TLE1: variants seen among roughly 807,000 people sequenced by gnomAD.
The protein encoded by TLE1 is transducin-like enhancer protein 1.
A neutral mutation model predicts 89.8 loss-of-function variants in TLE1; 21 were observed. The observed-to-expected ratio is 0.23, with a 90% CI of 0.17 to 0.34. TLE1 has a LOEUF of 0.34. TLE1 is among the 10% of genes least tolerant of loss of function. The pLI, the probability that TLE1 is intolerant of heterozygous loss-of-function variation, is 1.00. For missense variants in TLE1, 795 were observed against 1,031.2 expected (o/e 0.77, Z 3.14); for synonymous variants, 447 against 407.6 (o/e 1.10, Z -1.16).
At chr9:81,654,238 C>A (rs1216660727) in intron 4 of TLE1, among the ~76,000 whole-genome samples, 1 of 152,174 alleles carries the variant, frequency 6.6e-6, no homozygotes, top group Non-Finnish European at 1.5e-5. Context: ...GCCACAACTG[C>A]ACACTTCATT....
At chr9:81,615,882 T>C in intron 11 of TLE1, 100 bp downstream of exon 11, 1 of 1,464,364 alleles carries the variant, frequency 6.8e-7, no homozygotes, top group Non-Finnish European at 9.3e-7. Flanking sequence ...AATACAACCC[T>C]CAAGCAGCAA....
At chr9:81,629,684 T>C (rs955839169) in intron 8 of TLE1, among the ~76,000 whole-genome samples, 1 of 152,226 alleles carries the variant, frequency 6.6e-6, no homozygotes, top group Admixed American at 6.5e-5. Flanking sequence ...ACTACACACC[T>C]AGGCTACTGC....
At position 81,688,594 on chromosome 9, in the gene TLE1, C is replaced by A; in HGVS notation, c.-354G>T. 3.8e-6 allele frequency: 1 copy of A among 261,854 alleles called. No individual in the cohort carries two copies. The highest frequency in any genetic ancestry group is 7.1e-6 in the Non-Finnish European group (1 of 140,176). The allele number at this position is 261,854 out of a possible 1,614,324, so 16.2% of individuals were successfully genotyped here. On this transcript the variant is annotated 5_prime_UTR_variant, in exon 1 of 20. Transcript: ENST00000376499. ...CGGGGAGGCGGGGGCGCGGTGACTC[C>A]GACCGCACTCCCCTCGGCGATCCGC...
At chr9:81,610,722 G>A (rs1367609728) in intron 13 of TLE1, among the ~76,000 whole-genome samples, 1 of 152,018 alleles carries the variant, frequency 6.6e-6, no homozygotes, top group Non-Finnish European at 1.5e-5. Flanking sequence ...CTGTTTATGT[G>A]CCAAGAGGAA....
At chr9:81,666,776 A>AAAATAAGT (rs1554696538) in intron 4 of TLE1, among the ~76,000 whole-genome samples, 1 of 141,802 alleles carries the variant, frequency 7.1e-6, no homozygotes, top group African/African-American at 2.7e-5. Flanking sequence ...CTCGTCTCAC[A>AAAATAAGT]AAATAAATAA....
At chr9:81,668,195 A>C (rs961827158) in intron 4 of TLE1, among the ~76,000 whole-genome samples, 2 of 151,624 alleles carry the variant, frequency 1.3e-5, no homozygotes, top group Non-Finnish European at 2.9e-5. Context: ...GGATATGTAA[A>C]GGAAGTTGGA....
At position 81,666,106 on chromosome 9, in the gene TLE1, T is replaced by C. The variant is rs1432251853; in HGVS notation, c.235-12070A>G. ...CATTTCCATTATTCAGAAACCCTTG[T>C]TATGGAGTTCAGAAAGAGCCTGTTC... is the stretch of plus-strand genomic sequence containing the variant. On this transcript the variant is annotated intron_variant, in intron 4 of 19. Transcript: ENST00000376499. Among the ~76,000 whole-genome samples the C allele has an allele frequency of 5.3e-5, 8 of 152,274 alleles. No individual in the cohort carries two copies. In the East Asian group the frequency reaches 1.4e-3, roughly 26 times the overall value.
At chr9:81,592,174 T>C (rs532500251) in intron 15 of TLE1, among the ~76,000 whole-genome samples, 51 of 152,272 alleles carry the variant, frequency 3.3e-4, no homozygotes, top group East Asian at 2.1e-3. Flanking sequence ...CTGGCTAACA[T>C]GGTGAAACCC....
chr9:81,689,009 T>A lies in TLE1; in HGVS notation c.-769A>T, dbSNP rs577158567. On this transcript the variant is annotated 5_prime_UTR_variant, in exon 1 of 20. Transcript: ENST00000376499. ...AACCCTCCGGGCCCGACGGGGCTAC[T>A]CCACCGAGAGCAGTCCCGCAAGTGC... is the stretch of plus-strand genomic sequence containing the variant. 2.6e-3 allele frequency: 385 copies of A among 150,512 alleles called. 2 individuals carry two copies. Among genetic ancestry groups the A allele is most frequent in the Admixed American group, 8.7e-3 (132 of 15,166 alleles). The allele number at this position is 150,512 out of a possible 1,614,324, so 9.3% of individuals were successfully genotyped here. A position where few individuals can be genotyped will look rare whatever the true frequency, so the allele number is the denominator to read the frequency against.
At chr9:81,636,330 T>C (rs2132396396) in intron 6 of TLE1, among the ~76,000 whole-genome samples, 1 of 151,680 alleles carries the variant, frequency 6.6e-6, no homozygotes, top group East Asian at 2.0e-4. Flanking sequence ...CATTAGCACT[T>C]AATTAGGAAC....
chr9:81,686,874 G>C (rs1310809525), intron 2 of TLE1, among the ~76,000 whole-genome samples: 1 of 152,050 alleles, frequency 6.6e-6, no homozygotes, highest in Non-Finnish European at 1.5e-5. Flanking sequence ...CCAATGATGG[G>C]CAATGTTATA....
intron 2 of TLE1, 105 bp downstream of exon 2, chr9:81,687,229 A>G: frequency 2.2e-6 from 2 of 901,416 alleles, no homozygotes; most frequent in South Asian, 1.6e-5. Flanking sequence ...TCCACACGCC[A>G]CCGCCTGGAC....
chr9:81,633,169 TAAGAAA>T (rs1563999780), intron 8 of TLE1, among the ~76,000 whole-genome samples, 173 bp downstream of exon 8: 1 of 152,078 alleles, frequency 6.6e-6, no homozygotes, highest in African/African-American at 2.4e-5. Flanking sequence ...AACAGTCATA[TAAGAAA>T]AAGAAATTTT....
intron 14 of TLE1, among the ~76,000 whole-genome samples, chr9:81,595,761 G>A (rs1215250323): frequency 2.0e-5 from 3 of 151,234 alleles, no homozygotes; most frequent in African/African-American, 7.3e-5. Flanking sequence ...GGAGCTTGTG[G>A]TGAGCCGAGA....
chr9:81,616,161 G>A (rs781353026), intron 10 of TLE1, 27 bp from the exon 11 acceptor site: 59 of 1,584,732 alleles, frequency 3.7e-5, no homozygotes, highest in African/African-American at 5.5e-5. Context: ...AAAAGTTTTC[G>A]TGATTTAGCT....
chr9:81,593,829 T>A (rs527819028), intron 14 of TLE1, among the ~76,000 whole-genome samples: 1 of 152,310 alleles, frequency 6.6e-6, no homozygotes, highest in East Asian at 1.9e-4. Flanking sequence ...TAAGAGATTA[T>A]CTTATATGGC....
intron 4 of TLE1, among the ~76,000 whole-genome samples, chr9:81,683,572 G>A (rs1833884870): frequency 6.6e-6 from 1 of 152,158 alleles, no homozygotes; most frequent in Non-Finnish European, 1.5e-5. Context: ...TATTATTAAT[G>A]TGTGACATTC....
intron 8 of TLE1, among the ~76,000 whole-genome samples, chr9:81,631,964 T>G (rs539098290): frequency 8.9e-4 from 135 of 152,158 alleles, no homozygotes; most frequent in African/African-American, 3.2e-3. Flanking sequence ...TAGCCAGGTG[T>G]GGTGGCACAG....
intron 9 of TLE1, 122 bp from the exon 10 acceptor site, chr9:81,616,821 G>A (rs762363918): frequency 4.6e-5 from 46 of 1,010,738 alleles, no homozygotes; most frequent in Non-Finnish European, 6.9e-5. Flanking sequence ...GGACAGGCCT[G>A]CAGGCTCTCT....
Sources: allele counts gnomAD v4.1 joint callset (sites outside exome capture counted in the v4.1 genomes callset), GRCh38; gene constraint gnomAD v4.1.1; transcripts MANE v1.5; gene names NCBI Gene and HGNC (gene_info 2026-07-23, HGNC 2026-07-21).